The following SLX4IP variants were observed in gnomAD, a reference collection of about 807,000 sequenced individuals.
SLX4IP encodes the protein protein SLX4IP.
A neutral mutation model predicts 32.9 loss-of-function variants in SLX4IP; 34 were observed. That is an observed-to-expected ratio of 1.03 (90% CI 0.79 to 1.38). The LOEUF is 1.38. SLX4IP is among the 40% of genes most tolerant of loss of function. SLX4IP has a pLI of 0.00. For missense variants in SLX4IP, 444 were observed against 479.0 expected (o/e 0.93, Z 0.68); for synonymous variants, 172 against 171.7 (o/e 1.00, Z -0.01).
intron 4 of SLX4IP, among the ~76,000 whole-genome samples, chr20:10,584,679 A>C (rs528083446): frequency 6.6e-6 from 1 of 152,184 alleles, no homozygotes; most frequent in South Asian, 2.1e-4. Flanking sequence ...TGGAGATTCA[A>C]ATTTCCCAAG....
chr20:10,447,161 C>A (rs753086400), intron 1 of SLX4IP, among the ~76,000 whole-genome samples: 1 of 152,144 alleles, frequency 6.6e-6, no homozygotes, highest in Admixed American at 6.5e-5. Context: ...AATGAGTCAT[C>A]TCTTCATTTC....
intron 1 of SLX4IP, among the ~76,000 whole-genome samples, chr20:10,436,138 C>A (rs1734555478): frequency 6.6e-6 from 1 of 152,048 alleles, no homozygotes; most frequent in South Asian, 2.1e-4. Flanking sequence ...TATTTGTAAG[C>A]CAGTTGGCTA....
chr20:10,624,540 G>C lies in SLX4IP; in HGVS notation c.*1161G>C, dbSNP rs1470496576. 1 of 152,014 alleles carries C rather than the reference G, an allele frequency of 6.6e-6. No individual in the cohort carries two copies. The highest frequency in any genetic ancestry group is 1.5e-5 in the Non-Finnish European group (1 of 68,006). The allele number at this position is 152,014 out of a possible 1,614,324, so 9.4% of individuals were successfully genotyped here. The stretch of plus-strand genomic sequence containing the variant: ...AAAAGAGGAAAGAAACAATATTCAA[G>C]GTCCATTCATTCAATACATCTTTTT... On this transcript the variant is annotated 3_prime_UTR_variant, in exon 8 of 8. Coordinates refer to ENST00000334534, the MANE Select transcript of SLX4IP (RefSeq NM_001009608.3).
chr20:10,535,978 C>T lies in SLX4IP; in HGVS notation c.28-20253C>T, dbSNP rs144628522. The stretch of plus-strand genomic sequence containing the variant: ...AGACACACTGTTTAGAAAGATGAGC[C>T]TGGAAACACTAGTGAGGGAGAAAAG... On this transcript the variant is annotated intron_variant, in intron 2 of 7. Coordinates refer to ENST00000334534, the MANE Select transcript of SLX4IP (RefSeq NM_001009608.3). Among the ~76,000 whole-genome samples, 777 of 140,328 alleles carry T rather than the reference C, an allele frequency of 5.5e-3. 4 individuals are homozygous for T. The highest frequency in any genetic ancestry group is 0.019 in the African/African-American group (727 of 39,062). The allele number at this position is 140,328 out of a possible 152,430, so 92.1% of individuals were successfully genotyped here.
chr20:10,605,419 G>A (rs1234944098), intron 6 of SLX4IP, among the ~76,000 whole-genome samples: 3 of 152,138 alleles, frequency 2.0e-5, no homozygotes, highest in African/African-American at 7.2e-5. Context: ...GGATATCCTG[G>A]TGACCTAAAA....
At chr20:10,483,859 G>A (rs188743323) in intron 2 of SLX4IP, among the ~76,000 whole-genome samples, 3 of 140,722 alleles carry the variant, frequency 2.1e-5, no homozygotes, top group African/African-American at 5.3e-5. Flanking sequence ...GAAGCAAATC[G>A]TAAGACCTTA....
chr20:10,585,259 T>G (rs1166666123), intron 4 of SLX4IP, among the ~76,000 whole-genome samples: 1 of 152,196 alleles, frequency 6.6e-6, no homozygotes, highest in African/African-American at 2.4e-5. Context: ...GCTGAGTATT[T>G]TGTTCTATTT....
chr20:10,540,751 C>G (rs760467218), intron 2 of SLX4IP, among the ~76,000 whole-genome samples: 3 of 152,192 alleles, frequency 2.0e-5, no homozygotes, highest in Non-Finnish European at 4.4e-5. Context: ...AGTCCTGTGA[C>G]CAATTAACGA....
chr20:10,506,397 T>A (rs2122421395), intron 2 of SLX4IP, among the ~76,000 whole-genome samples: 1 of 152,334 alleles, frequency 6.6e-6, no homozygotes, highest in East Asian at 1.9e-4. Context: ...GGACCCAGCT[T>A]GACAGTGTTT....
At chr20:10,472,394 C>T (rs1025293574) in intron 2 of SLX4IP, among the ~76,000 whole-genome samples, 1 of 152,032 alleles carries the variant, frequency 6.6e-6, no homozygotes, top group African/African-American at 2.4e-5. Flanking sequence ...CCACGCCCGG[C>T]TAATTTTTTG....
intron 2 of SLX4IP, among the ~76,000 whole-genome samples, chr20:10,477,098 G>A (rs2065481104): frequency 6.6e-6 from 1 of 152,170 alleles, no homozygotes; most frequent in African/African-American, 2.4e-5. Flanking sequence ...AGCAGACACA[G>A]GTTTTTGGTG....
chr20:10,561,545 CTTTTTT>C (rs749781715), intron 4 of SLX4IP, among the ~76,000 whole-genome samples: 5 of 139,148 alleles, frequency 3.6e-5, no homozygotes, highest in African/African-American at 1.1e-4. Flanking sequence ...TTTCTTTTTT[CTTTTTT>C]TTTTTTTGGT....
chr20:10,549,552 A>G (rs1471477164), intron 2 of SLX4IP, among the ~76,000 whole-genome samples: 1 of 152,208 alleles, frequency 6.6e-6, no homozygotes, highest in East Asian at 1.9e-4. Context: ...GTTCCAGGCT[A>G]GACAGCCTAA....
chr20:10,490,772 GTTTA>G (rs2065615507), intron 2 of SLX4IP, among the ~76,000 whole-genome samples: 1 of 152,186 alleles, frequency 6.6e-6, no homozygotes, highest in South Asian at 2.1e-4. Context: ...TTGTTTTGTG[GTTTA>G]TTTGAGAGTC....
chr20:10,475,130 G>T (rs1339650363), intron 2 of SLX4IP, among the ~76,000 whole-genome samples: 2 of 152,230 alleles, frequency 1.3e-5, no homozygotes, highest in Admixed American at 6.5e-5. Context: ...TTCCCTGGAA[G>T]CACTGCATTC....
intron 1 of SLX4IP, among the ~76,000 whole-genome samples, chr20:10,456,139 A>G (rs899076528): frequency 6.6e-6 from 1 of 152,192 alleles, no homozygotes. Flanking sequence ...TAAGGTATAT[A>G]TGAAACATAA....
At chr20:10,480,484 T>C (rs898555586) in intron 2 of SLX4IP, among the ~76,000 whole-genome samples, 8 of 152,192 alleles carry the variant, frequency 5.3e-5, no homozygotes, top group Non-Finnish European at 1.2e-4. Context: ...CTGTAGATTA[T>C]ATCATATGTA....
At chr20:10,481,335 T>C (rs916641205) in intron 2 of SLX4IP, among the ~76,000 whole-genome samples, 26 of 152,212 alleles carry the variant, frequency 1.7e-4, no homozygotes, top group African/African-American at 6.0e-4. Flanking sequence ...TCATCTTAAG[T>C]GTCCAGAGAG....
chr20:10,471,364 G>A (rs2065423494), intron 2 of SLX4IP, among the ~76,000 whole-genome samples: 1 of 152,194 alleles, frequency 6.6e-6, no homozygotes, highest in Non-Finnish European at 1.5e-5. Flanking sequence ...AGTTTGCAGT[G>A]AGAAATTAAT....
Sources: gnomAD v4.1 joint callset for allele counts (sites outside exome capture counted in the v4.1 genomes callset) on GRCh38, gnomAD v4.1.1 for gene constraint, MANE v1.5 for transcripts, NCBI Gene and HGNC (gene_info 2026-07-23, HGNC 2026-07-21) for gene names.